The following RAPGEF1 variants were observed in gnomAD, a reference collection of about 807,000 sequenced individuals.
The protein encoded by RAPGEF1 is CRK SH3-binding GNRP.
RAPGEF1 carries 33 observed loss-of-function variants against 143.3 expected under a neutral mutation model. That is an observed-to-expected ratio of 0.23 (90% confidence interval 0.17 to 0.31). RAPGEF1 has a LOEUF of 0.31. Ranked by LOEUF, RAPGEF1 falls within the 10% of genes least tolerant of loss-of-function variation. The probability of loss-of-function intolerance (pLI) is 1.00; values close to 1 mark genes in which losing one functional copy is unlikely to be tolerated. For synonymous variants in RAPGEF1, 629 were observed against 676.5 expected, an observed-to-expected ratio of 0.93 and a Z score of 1.09; for missense variants, 1,199 against 1,645.4, an observed-to-expected ratio of 0.73 and a Z score of 4.69.
intron 12 of RAPGEF1, among the ~76,000 whole-genome samples, chr9:131,611,005 G>A (rs1957952030): frequency 6.6e-6 from 1 of 152,164 alleles, no homozygotes; most frequent in Non-Finnish European, 1.5e-5. Context: ...TTAACTACTG[G>A]TTTACACAGT....
chr9:131,646,761 TC>T (rs1969754868), intron 3 of RAPGEF1, among the ~76,000 whole-genome samples: 1 of 151,878 alleles, frequency 6.6e-6, no homozygotes, highest in Non-Finnish European at 1.5e-5. Context: ...CAAGTCACAA[TC>T]AGTATAATAA....
chr9:131,621,786 T>A lies in RAPGEF1; in HGVS notation c.1905+10A>T, dbSNP rs1462426361. Reference sequence around the variant, plus strand: ...CGGAAGTTCTAGTCACAAGGGAAGGTGTCACTCACCAGCTGCCGCTGCTTG... The same window carrying A: ...CGGAAGTTCTAGTCACAAGGGAAGGAGTCACTCACCAGCTGCCGCTGCTTG... On this transcript the variant is annotated intron_variant, in intron 11 of 26. Coordinates refer to ENST00000683357, the MANE Select transcript of RAPGEF1 (RefSeq NM_001377935.1). This position sits in a 1 kb window ranked among gnomAD's most constrained non-coding sequence, Gnocchi z 4.5. 6 of 1,594,324 alleles carry A rather than the reference T, an allele frequency of 3.8e-6. No homozygotes were observed. In the Admixed American group the frequency reaches 5.3e-5, roughly 14 times the overall value.
At chr9:131,728,964 A>G (rs148799607) in intron 1 of RAPGEF1, among the ~76,000 whole-genome samples, 5 of 152,342 alleles carry the variant, frequency 3.3e-5, no homozygotes, top group Non-Finnish European at 7.3e-5. Flanking sequence ...GTTAGACAAG[A>G]CAGAGTGACA....
At chr9:131,603,934 T>G (rs1956689252) in intron 14 of RAPGEF1, 27 bp downstream of exon 14, 1 of 1,282,206 alleles carries the variant, frequency 7.8e-7, no homozygotes, top group African/African-American at 1.5e-5. Flanking sequence ...CCAGGCCACA[T>G]GCAGGAGGCC....
chr9:131,625,242 G>C (rs1962601067), intron 10 of RAPGEF1, among the ~76,000 whole-genome samples: 1 of 152,212 alleles, frequency 6.6e-6, no homozygotes, highest in South Asian at 2.1e-4. Context: ...GACAGAGGGG[G>C]CCAGGCAAGT....
At chr9:131,616,647 T>G (rs1959057222) in intron 12 of RAPGEF1, among the ~76,000 whole-genome samples, 2 of 152,200 alleles carry the variant, frequency 1.3e-5, no homozygotes, top group Non-Finnish European at 2.9e-5. Flanking sequence ...AAGAACCACG[T>G]GAGGTGTCTT....
chr9:131,652,858 C>T (rs1351157560), intron 1 of RAPGEF1, among the ~76,000 whole-genome samples: 5 of 152,136 alleles, frequency 3.3e-5, no homozygotes, highest in Non-Finnish European at 7.4e-5. Flanking sequence ...TCAAGTACTA[C>T]GTACTGTACA....
chr9:131,704,357 C>T (rs1043753797), intron 1 of RAPGEF1, among the ~76,000 whole-genome samples: 2 of 151,436 alleles, frequency 1.3e-5, no homozygotes, highest in African/African-American at 4.9e-5. Flanking sequence ...GCAGAGCAAC[C>T]ACTGGCATTC....
At chr9:131,679,825 A>G (rs539798853) in intron 1 of RAPGEF1, among the ~76,000 whole-genome samples, 115 of 152,346 alleles carry the variant, frequency 7.5e-4, no homozygotes, top group African/African-American at 2.5e-3. Context: ...GGCCACCTTC[A>G]GCTCCCTGCC....
chr9:131,652,436 G>A (rs1343297765), intron 1 of RAPGEF1, among the ~76,000 whole-genome samples: 2 of 151,988 alleles, frequency 1.3e-5, no homozygotes, highest in African/African-American at 4.8e-5. Flanking sequence ...TTTTTGTAGC[G>A]ATGAGGTCTC....
At chr9:131,632,155 G>GTC (rs1965072720) in intron 5 of RAPGEF1, among the ~76,000 whole-genome samples, 1 of 151,226 alleles carries the variant, frequency 6.6e-6, no homozygotes, top group East Asian at 1.9e-4. Flanking sequence ...TTGAGACAGA[G>GTC]TCTCGCTCTG....
chr9:131,637,657 C>T (rs1966724776), intron 5 of RAPGEF1, among the ~76,000 whole-genome samples: 1 of 152,152 alleles, frequency 6.6e-6, no homozygotes, highest in African/African-American at 2.4e-5. Flanking sequence ...GTTTACAAAG[C>T]ATGCATCTAG....
chr9:131,727,184 T>C (rs1426627998), intron 1 of RAPGEF1, among the ~76,000 whole-genome samples: 1 of 152,196 alleles, frequency 6.6e-6, no homozygotes. Flanking sequence ...GCATAATTAC[T>C]GTTACTAGGG....
rs538535135 is a variant in RAPGEF1, at chr9:131,579,725, T to G, written c.3642-78A>C. ...CCGATGGCGCCACCCTCCTGGAAGG[T>G]GCCGCGGGGACCATCCCCACAGCCT... On this transcript the variant is annotated intron_variant, in intron 26 of 26. Coordinates refer to ENST00000683357, the MANE Select transcript of RAPGEF1 (RefSeq NM_001377935.1). The G allele has an allele frequency of 8.9e-5, 133 of 1,493,100 alleles. No individual in the cohort carries two copies. In the Middle Eastern group the frequency reaches 1.3e-3, roughly 15 times the overall value. 92.5% of individuals were successfully genotyped at this position (1,493,100 alleles called of 1,614,324 possible). A position where few individuals can be genotyped will look rare whatever the true frequency, so the allele number is the denominator to read the frequency against.
At chr9:131,686,299 G>A (rs1021274254) in intron 1 of RAPGEF1, among the ~76,000 whole-genome samples, 3 of 152,146 alleles carry the variant, frequency 2.0e-5, no homozygotes, top group Non-Finnish European at 4.4e-5. Flanking sequence ...AAAACAGACC[G>A]CCAACTGGAT....
intron 3 of RAPGEF1, among the ~76,000 whole-genome samples, chr9:131,644,003 A>G (rs923561030): frequency 6.6e-6 from 1 of 152,212 alleles, no homozygotes; most frequent in Non-Finnish European, 1.5e-5. Flanking sequence ...TCCCAGGGCT[A>G]GAAGGGGCAG....
chr9:131,703,358 T>C (rs1206336582), intron 1 of RAPGEF1, among the ~76,000 whole-genome samples: 9 of 152,180 alleles, frequency 5.9e-5, no homozygotes, highest in Non-Finnish European at 1.3e-4. Flanking sequence ...ATTTTGTCCG[T>C]TTGTTCCAAT....
At chr9:131,696,926 A>G (rs1834227722) in intron 1 of RAPGEF1, among the ~76,000 whole-genome samples, 1 of 152,280 alleles carries the variant, frequency 6.6e-6, no homozygotes, top group South Asian at 2.1e-4. Context: ...AGTATTGTCA[A>G]GCATTCTCGT....
chr9:131,643,330 T>C lies in RAPGEF1; in HGVS notation c.403A>G (p.Lys135Glu), dbSNP rs746315253. 1.9e-6 allele frequency: 3 copies of C among 1,613,736 alleles called. No individual in the cohort carries two copies. The South Asian group carries it at 3.3e-5, about 18-fold the overall frequency. Residue 135 changes from lysine to glutamate, a missense_variant, in exon 4 of 27, where the codon AAG becomes GAG. This residue lies in a region of RAPGEF1 where 613 missense variants were observed against 710.9 expected (regional missense o/e 0.86). Transcript: ENST00000683357. Reference protein sequence around the residue: ...KTIVDKMAIDKKVLEMLPGSA... With the variant: ...KTIVDKMAIDEKVLEMLPGSA... ...CCTGGAAGCATCTCCAGTACCTTCT[T>C]ATCAATTGCCATTTTGTCCACAATG...
Sources: allele counts gnomAD v4.1 joint callset (sites outside exome capture counted in the v4.1 genomes callset), GRCh38; gene constraint gnomAD v4.1.1; regional missense constraint gnomAD v4.1.1; non-coding constraint Gnocchi (gnomAD v3.1); transcripts MANE v1.5; gene names NCBI Gene and HGNC (gene_info 2026-07-23, HGNC 2026-07-21).